TANC2: variants seen among roughly 807,000 people sequenced by gnomAD.
TANC2 encodes the protein protein TANC2.
In TANC2, 26 loss-of-function variants were observed where a neutral mutation model predicts 210.5. The observed-to-expected ratio is 0.12, with a 90% CI of 0.09 to 0.17. TANC2 has a LOEUF of 0.17. TANC2 is among the 10% of genes least tolerant of loss of function. The pLI is 1.00. For missense variants in TANC2, 2,129 were observed against 2,608.9 expected (o/e 0.82, Z 4.01); for synonymous variants, 931 against 967.1 (o/e 0.96, Z 0.69).
chr17:63,197,709 A>C (rs975849980), intron 6 of TANC2: 1 of 152,208 alleles, frequency 6.6e-6, no homozygotes, highest in Non-Finnish European at 1.5e-5. Flanking sequence ...GTGTATTTGT[A>C]GGACCTTTAA....
At chr17:63,239,376 T>C (rs2042712874) in intron 8 of TANC2, among the ~76,000 whole-genome samples, 1 of 152,158 alleles carries the variant, frequency 6.6e-6, no homozygotes, top group Non-Finnish European at 1.5e-5. Context: ...AAAATCAAAG[T>C]TATGTTTGCT....
intron 1 of TANC2, among the ~76,000 whole-genome samples, chr17:62,973,611 A>G (rs1377173445): frequency 1.3e-5 from 2 of 152,244 alleles, no homozygotes; most frequent in African/African-American, 2.4e-5. Context: ...CCTGGACTGT[A>G]ACTAAAACTA....
At chr17:63,221,010 G>T (rs2042172802) in intron 7 of TANC2, among the ~76,000 whole-genome samples, 1 of 151,716 alleles carries the variant, frequency 6.6e-6, no homozygotes, top group South Asian at 2.1e-4. Flanking sequence ...AGAAATAATA[G>T]ATTTAACATA....
chr17:63,063,673 A>ATT (rs1388404050), intron 2 of TANC2, among the ~76,000 whole-genome samples: 9 of 93,124 alleles, frequency 9.7e-5, no homozygotes, highest in African/African-American at 4.5e-4. Context: ...GTTACCCAGT[A>ATT]TTGTGTGTGT....
At position 63,195,363 on chromosome 17, in the gene TANC2, C is replaced by G. The variant is rs187640703; in HGVS notation, c.582+1224C>G. On this transcript the variant is annotated intron_variant, in intron 6 of 27. Transcript: ENST00000689528. Reference sequence around the variant, plus strand: ...TGTTTCCCATATGAGTAAATGGTATCACCTACTTGCTTAGGACAAAAGCAT... The same window carrying G: ...TGTTTCCCATATGAGTAAATGGTATGACCTACTTGCTTAGGACAAAAGCAT... Among the ~76,000 whole-genome samples the G allele has an allele frequency of 6.2e-4, 95 of 152,302 alleles. 2 individuals carry two copies. The East Asian group carries it at 0.017, about 27-fold the overall frequency.
At chr17:63,221,097 T>G (rs1433175061) in intron 7 of TANC2, among the ~76,000 whole-genome samples, 1 of 151,742 alleles carries the variant, frequency 6.6e-6, no homozygotes, top group East Asian at 1.9e-4. Context: ...AAATAACTGA[T>G]GTTTGACTGC....
intron 8 of TANC2, among the ~76,000 whole-genome samples, chr17:63,240,314 G>A (rs2042740545): frequency 6.6e-6 from 1 of 152,122 alleles, no homozygotes; most frequent in East Asian, 1.9e-4. Flanking sequence ...TCAATGAGTG[G>A]AACTATGTAG....
At chr17:62,994,435 C>T (rs2033015036) in intron 1 of TANC2, among the ~76,000 whole-genome samples, 1 of 150,942 alleles carries the variant, frequency 6.6e-6, no homozygotes, top group Admixed American at 6.6e-5. Context: ...TCTTGTCCAA[C>T]TTAGGAGGAA....
At chr17:63,094,781 A>G (rs1210376626) in intron 3 of TANC2, among the ~76,000 whole-genome samples, 2 of 152,122 alleles carry the variant, frequency 1.3e-5, no homozygotes, top group African/African-American at 2.4e-5. Flanking sequence ...TCTGACCTCA[A>G]CTTCTGAATG....
At chr17:63,417,655 G>A (rs1308769644) in intron 26 of TANC2, among the ~76,000 whole-genome samples, 2 of 152,168 alleles carry the variant, frequency 1.3e-5, no homozygotes, top group African/African-American at 2.4e-5. Flanking sequence ...ACTATGTGCC[G>A]GGAACTGTGC....
chr17:63,357,019 A>G (rs556450990), intron 14 of TANC2, among the ~76,000 whole-genome samples: 1 of 152,332 alleles, frequency 6.6e-6, no homozygotes, highest in South Asian at 2.1e-4. Context: ...TTAAAAAGAA[A>G]CAATAAAAAC....
intron 2 of TANC2, among the ~76,000 whole-genome samples, chr17:63,047,486 A>G (rs1212690528): frequency 6.6e-6 from 1 of 152,106 alleles, no homozygotes. Context: ...AATCAGTAAT[A>G]TTTGATGATG....
At chr17:63,347,019 A>G (rs1447695239) in intron 12 of TANC2, among the ~76,000 whole-genome samples, 3 of 152,136 alleles carry the variant, frequency 2.0e-5, no homozygotes, top group Non-Finnish European at 1.5e-5. Context: ...AGTTTCTTAC[A>G]AAGTTAAATG....
intron 3 of TANC2, among the ~76,000 whole-genome samples, chr17:63,089,432 T>C (rs1158838451): frequency 6.6e-6 from 1 of 152,032 alleles, no homozygotes; most frequent in Non-Finnish European, 1.5e-5. Context: ...GCTGTGTGAA[T>C]TGAGGGGGAA....
chr17:63,370,163 T>C (rs542134911), intron 14 of TANC2, among the ~76,000 whole-genome samples: 1 of 151,438 alleles, frequency 6.6e-6, no homozygotes, highest in East Asian at 1.9e-4. Context: ...AGTTCCTTAG[T>C]CCTCCTTTCT....
At chr17:62,983,925 C>T (rs1383440927) in intron 1 of TANC2, among the ~76,000 whole-genome samples, 3 of 151,874 alleles carry the variant, frequency 2.0e-5, no homozygotes, top group East Asian at 1.9e-4. Context: ...GGCTTGTAGT[C>T]TCCTTTTTTT....
At chr17:62,995,671 C>T (rs1219274917) in intron 1 of TANC2, among the ~76,000 whole-genome samples, 1 of 152,232 alleles carries the variant, frequency 6.6e-6, no homozygotes, top group Non-Finnish European at 1.5e-5. Context: ...AACCCATCAT[C>T]AGTTACTTCC....
At chr17:63,174,959 TAAAC>T (rs1201738350) in intron 5 of TANC2, among the ~76,000 whole-genome samples, 1 of 152,138 alleles carries the variant, frequency 6.6e-6, no homozygotes, top group Non-Finnish European at 1.5e-5. Flanking sequence ...AAATTATAAA[TAAAC>T]ATTGTTAAGA....
exon 28 of TANC2, chr17:63,427,518 G>C (rs1169161497): frequency 6.6e-6 from 1 of 152,244 alleles, no homozygotes; most frequent in Non-Finnish European, 1.5e-5. Context: ...TATAAGGAAA[G>C]ACATTTTCCT....
Sources: gnomAD v4.1 joint callset for allele counts (sites outside exome capture counted in the v4.1 genomes callset) on GRCh38, gnomAD v4.1.1 for gene constraint, MANE v1.5 for transcripts, NCBI Gene and HGNC (gene_info 2026-07-23, HGNC 2026-07-21) for gene names.